KIFAP3: variants seen among roughly 807,000 people sequenced by gnomAD.
KIFAP3 encodes the protein kinesin-associated protein 3.
In KIFAP3, 68 loss-of-function variants were observed where a neutral mutation model predicts 106.5. That is an observed-to-expected ratio of 0.64 (90% CI 0.53 to 0.78). KIFAP3 has a LOEUF of 0.78. Among genes scored for constraint, KIFAP3 ranks in the 30% least tolerant of loss-of-function variants. The pLI is 0.00. For synonymous variants in KIFAP3, 320 were observed against 311.5 expected (o/e 1.03, Z -0.29); for missense variants, 780 against 941.8 (o/e 0.83, Z 2.25).
intron 19 of KIFAP3, among the ~76,000 whole-genome samples, chr1:169,934,747 G>C (rs529523998): frequency 6.6e-6 from 1 of 152,238 alleles, no homozygotes; most frequent in South Asian, 2.1e-4. Context: ...CTGGGTTTTA[G>C]ACAGTATTCT....
intron 19 of KIFAP3, among the ~76,000 whole-genome samples, chr1:169,936,626 T>C (rs947382921): frequency 1.3e-5 from 2 of 151,800 alleles, no homozygotes; most frequent in African/African-American, 2.4e-5. Context: ...ACTTACTTTT[T>C]TTCTAAGAAA....
At chr1:169,961,327 C>T in intron 17 of KIFAP3, 92 bp from the exon 18 acceptor site, 1 of 918,352 alleles carries the variant, frequency 1.1e-6, no homozygotes, top group Non-Finnish European at 1.7e-6. Context: ...ATTTTGGGGG[C>T]CCTTCACTGG....
At chr1:170,077,719 C>G (rs759070031), upstream of KIFAP3, among the ~76,000 whole-genome samples, 6 of 152,128 alleles carry the variant, frequency 3.9e-5, no homozygotes, top group Non-Finnish European at 7.4e-5. Flanking sequence ...CGCCTTATCC[C>G]CACAACCCCA....
At chr1:169,928,641 G>A (rs1437489464) in intron 19 of KIFAP3, among the ~76,000 whole-genome samples, 1 of 125,978 alleles carries the variant, frequency 7.9e-6, no homozygotes, top group East Asian at 2.6e-4. Context: ...AGGCTGCAGT[G>A]AGCCATGACC....
intron 19 of KIFAP3, among the ~76,000 whole-genome samples, chr1:169,927,931 T>C (rs1273250117): frequency 7.1e-6 from 1 of 141,286 alleles, no homozygotes; most frequent in Non-Finnish European, 1.6e-5. Flanking sequence ...GACCAAATTC[T>C]ATGTTTTAGG....
chr1:170,059,326 A>G (rs530714786), intron 1 of KIFAP3, among the ~76,000 whole-genome samples: 2 of 152,332 alleles, frequency 1.3e-5, no homozygotes, highest in East Asian at 3.9e-4. Flanking sequence ...GATAAAGGGG[A>G]TATCACCACT....
chr1:169,998,850 A>G (rs1667520171), intron 10 of KIFAP3, among the ~76,000 whole-genome samples: 1 of 152,214 alleles, frequency 6.6e-6, no homozygotes. Context: ...GATTACATAA[A>G]TAATCAATAC....
rs183093140 is a variant in KIFAP3 at position 169,972,408 on chromosome 1, C to T, written c.1983+105G>A. ...GTATATCCTGAATCTTACCAAAATA[C>T]AAAGTTGGGTTTACACTGAATGCAT... On this transcript the variant is annotated intron_variant, in intron 17 of 19. Transcript: ENST00000361580. The T allele has an allele frequency of 3.0e-5, 19 of 625,636 alleles. No homozygotes were observed. The Admixed American group carries it at 6.4e-4, about 21-fold the overall frequency. 38.8% of individuals were successfully genotyped at this position (625,636 alleles called of 1,614,324 possible).
At chr1:170,021,127 C>A (rs1668793025) in intron 9 of KIFAP3, among the ~76,000 whole-genome samples, 1 of 152,052 alleles carries the variant, frequency 6.6e-6, no homozygotes, top group African/African-American at 2.4e-5. Context: ...CAAAAGTTAG[C>A]AGTAAGAAAA....
chr1:169,924,304 G>T (rs988580162), intron 19 of KIFAP3, among the ~76,000 whole-genome samples: 1 of 152,160 alleles, frequency 6.6e-6, no homozygotes, highest in Non-Finnish European at 1.5e-5. Context: ...TATGTAGTCA[G>T]CAGTTCACCC....
At chr1:169,947,876 T>C (rs1451749519) in intron 19 of KIFAP3, among the ~76,000 whole-genome samples, 1 of 151,578 alleles carries the variant, frequency 6.6e-6, no homozygotes, top group East Asian at 1.9e-4. Context: ...GAAAGGTGGA[T>C]ATTCATTAGT....
At chr1:169,948,603 A>G (rs898629102) in intron 19 of KIFAP3, among the ~76,000 whole-genome samples, 1 of 152,020 alleles carries the variant, frequency 6.6e-6, no homozygotes, top group Non-Finnish European at 1.5e-5. Context: ...TGATCCTTCC[A>G]TCTAATTGCT....
intron 17 of KIFAP3, among the ~76,000 whole-genome samples, chr1:169,963,129 T>C (rs1665422743): frequency 6.6e-6 from 1 of 152,170 alleles, no homozygotes; most frequent in South Asian, 2.1e-4. Flanking sequence ...TAGGTCCTGA[T>C]GTCTCTTGTT....
intron 10 of KIFAP3, among the ~76,000 whole-genome samples, chr1:170,016,051 G>C (rs12145705): frequency 6.6e-6 from 1 of 151,846 alleles, no homozygotes; most frequent in African/African-American, 2.4e-5. Context: ...TTTTAACTTA[G>C]TAACAAAAAG....
chr1:169,990,778 G>A (rs1250098498), intron 11 of KIFAP3, among the ~76,000 whole-genome samples: 2 of 151,794 alleles, frequency 1.3e-5, no homozygotes, highest in African/African-American at 4.8e-5. Flanking sequence ...ATTTATTTAG[G>A]TCTATTTAGA....
intron 17 of KIFAP3, among the ~76,000 whole-genome samples, chr1:169,961,826 G>A (rs1434189934): frequency 1.3e-5 from 2 of 152,064 alleles, no homozygotes; most frequent in Non-Finnish European, 2.9e-5. Flanking sequence ...TAAGAATACA[G>A]TATATAATAC....
chr1:170,024,114 C>G (rs531817848), intron 9 of KIFAP3: 198 of 175,936 alleles, frequency 1.1e-3, no homozygotes, highest in South Asian at 5.2e-3. Flanking sequence ...GGTAAAACAA[C>G]AAGACCAGGT....
intron 10 of KIFAP3, among the ~76,000 whole-genome samples, chr1:170,004,503 A>G (rs940985554): frequency 5.9e-5 from 9 of 151,944 alleles, no homozygotes; most frequent in Admixed American, 2.0e-4. Context: ...TGGTACCAAA[A>G]CAGAGATATA....
At chr1:169,928,027 G>A (rs749900081) in intron 19 of KIFAP3, among the ~76,000 whole-genome samples, 6 of 152,112 alleles carry the variant, frequency 3.9e-5, no homozygotes, top group South Asian at 2.1e-4. Flanking sequence ...GTGAAGTAAT[G>A]AGAACCTACA....
Sources: allele counts gnomAD v4.1 joint callset (sites outside exome capture counted in the v4.1 genomes callset), GRCh38; gene constraint gnomAD v4.1.1; transcripts MANE v1.5; gene names NCBI Gene and HGNC (gene_info 2026-07-23, HGNC 2026-07-21).